Variants in LRRC4C observed in about 807,000 individuals in gnomAD.
The protein encoded by LRRC4C is leucine rich repeat containing 4C.
A neutral mutation model predicts 33.6 loss-of-function variants in LRRC4C; 5 were observed. The observed-to-expected ratio is 0.15, with a 90% CI of 0.08 to 0.31. The LOEUF (loss-of-function observed/expected upper bound fraction) is 0.31, where lower values mean the gene tolerates loss of function less well. Ranked by LOEUF, LRRC4C falls within the 10% of genes least tolerant of loss-of-function variation. The probability of loss-of-function intolerance (pLI) is 1.00; values close to 1 mark genes in which losing one functional copy is unlikely to be tolerated. For missense variants in LRRC4C, 560 were observed against 796.7 expected, an observed-to-expected ratio of 0.70 and a Z score of 3.58; for synonymous variants, 329 against 302.0, an observed-to-expected ratio of 1.09 and a Z score of -0.93.
intron 3 of LRRC4C, among the ~76,000 whole-genome samples, chr11:40,468,971 T>C (rs1180621978): frequency 3.3e-5 from 5 of 152,118 alleles, no homozygotes; most frequent in African/African-American, 7.2e-5. Context: ...ATCTGTAAAA[T>C]CTGTAAAAAT....
chr11:41,124,695 G>A (rs1487076), intron 1 of LRRC4C, among the ~76,000 whole-genome samples: 62,408 of 151,860 alleles, frequency 0.41, 13,830 homozygotes, highest in Middle Eastern at 0.53. Context: ...TCATTTCTAC[G>A]TTAAAAAAAT....
In LRRC4C at chr11:41,411,251, C is replaced by T. The variant is rs187883883; in HGVS notation, c.-496+48180G>A. 5.3e-3 allele frequency among the ~76,000 whole-genome samples: 787 copies of T among 148,640 alleles called. 11 individuals carry two copies. The highest frequency in any genetic ancestry group is 0.026 in the Admixed American group (389 of 14,860). On this transcript the variant is annotated intron_variant, in intron 1 of 6. Transcript: ENST00000528697. ...GCAAGCTCTGCCTCCCAGGTTCATG[C>T]CATTCTCCTGCCTCAGCCTCCCGAG...
chr11:40,851,857 G>A (rs1027753461), intron 2 of LRRC4C, among the ~76,000 whole-genome samples: 13 of 152,170 alleles, frequency 8.5e-5, no homozygotes, highest in South Asian at 4.1e-4. Flanking sequence ...GGACCCTGGC[G>A]ATCCCACGTT....
chr11:40,856,985 A>G (rs2135796168), intron 2 of LRRC4C, among the ~76,000 whole-genome samples: 1 of 152,320 alleles, frequency 6.6e-6, no homozygotes, highest in Non-Finnish European at 1.5e-5. Flanking sequence ...GAGAAGTCTA[A>G]CTAAACATTC....
chr11:40,755,690 GACA>G (rs1199448645), intron 2 of LRRC4C, among the ~76,000 whole-genome samples: 2 of 152,014 alleles, frequency 1.3e-5, no homozygotes, highest in Admixed American at 6.6e-5. Context: ...AAGAGCTCCT[GACA>G]ACAAGAAATC....
chr11:40,658,919 G>A (rs551965692), intron 2 of LRRC4C, among the ~76,000 whole-genome samples: 1 of 152,314 alleles, frequency 6.6e-6, no homozygotes, highest in East Asian at 1.9e-4. Context: ...GGGAGGAACT[G>A]CTGGGGCTGC....
intron 1 of LRRC4C, among the ~76,000 whole-genome samples, chr11:41,253,085 G>A (rs1948693711): frequency 6.6e-6 from 1 of 152,086 alleles, no homozygotes; most frequent in Non-Finnish European, 1.5e-5. Context: ...CTATTTCTTA[G>A]AATAACTTTA....
chr11:40,305,717 G>T (rs918130662), intron 4 of LRRC4C, among the ~76,000 whole-genome samples: 1 of 152,146 alleles, frequency 6.6e-6, no homozygotes, highest in African/African-American at 2.4e-5. Flanking sequence ...TTCAGTATTG[G>T]CTCCCTTATG....
At chr11:41,247,721 A>G (rs1948499612) in intron 1 of LRRC4C, among the ~76,000 whole-genome samples, 1 of 152,232 alleles carries the variant, frequency 6.6e-6, no homozygotes, top group Non-Finnish European at 1.5e-5. Flanking sequence ...ATTTTCCAGT[A>G]AATCAAAACT....
chr11:40,563,840 T>A (rs566669535), intron 3 of LRRC4C, among the ~76,000 whole-genome samples: 1 of 152,240 alleles, frequency 6.6e-6, no homozygotes, highest in African/African-American at 2.4e-5. Context: ...ACTTTCCCTA[T>A]TTGCTTCCCC....
At chr11:41,047,957 C>T (rs1446221115) in intron 1 of LRRC4C, among the ~76,000 whole-genome samples, 1 of 152,142 alleles carries the variant, frequency 6.6e-6, no homozygotes, top group African/African-American at 2.4e-5. Flanking sequence ...TTTTTCTCCC[C>T]TTTCTGATCT....
chr11:41,075,529 T>C (rs1420125730), intron 1 of LRRC4C, among the ~76,000 whole-genome samples: 1 of 152,100 alleles, frequency 6.6e-6, no homozygotes, highest in East Asian at 1.9e-4. Flanking sequence ...TGCTCCTTTT[T>C]ATTACACCAA....
chr11:40,522,471 G>A (rs1955861701), intron 3 of LRRC4C, among the ~76,000 whole-genome samples: 1 of 152,136 alleles, frequency 6.6e-6, no homozygotes, highest in South Asian at 2.1e-4. Flanking sequence ...AATCGTGGGG[G>A]CAGTTTCCCC....
At chr11:40,582,918 T>C (rs756878498) in intron 3 of LRRC4C, among the ~76,000 whole-genome samples, 1 of 152,162 alleles carries the variant, frequency 6.6e-6, no homozygotes, top group Non-Finnish European at 1.5e-5. Flanking sequence ...TCAATCAGGG[T>C]ATTTAGAATA....
Position 41,324,370 on chromosome 11 carries a change from C to A in LRRC4C, c.-496+135061G>T, listed in dbSNP as rs188525194. ...GCTTGAACCCGGGAGGCAGAAGTTGCGGTGAGCCAAGATCATGCCATTGCA... is the reference window on the plus strand; with the variant it reads ...GCTTGAACCCGGGAGGCAGAAGTTGAGGTGAGCCAAGATCATGCCATTGCA... On this transcript the variant is annotated intron_variant, in intron 1 of 6. Coordinates refer to ENST00000528697, the MANE Select transcript of LRRC4C (RefSeq NM_001258419.2). Among the ~76,000 whole-genome samples the A allele has an allele frequency of 3.0e-3, 460 of 152,174 alleles. 5 individuals are homozygous for A. Among genetic ancestry groups the A allele is most frequent in the South Asian group, 8.9e-3 (43 of 4,814 alleles).
intron 1 of LRRC4C, among the ~76,000 whole-genome samples, chr11:41,233,672 T>G (rs1299409227): frequency 2.0e-5 from 3 of 152,080 alleles, no homozygotes; most frequent in African/African-American, 4.8e-5. Flanking sequence ...CATTTTTATT[T>G]ATGCAAATAT....
At chr11:40,239,111 A>G (rs943351632) in intron 5 of LRRC4C, among the ~76,000 whole-genome samples, 2 of 152,160 alleles carry the variant, frequency 1.3e-5, no homozygotes, top group Non-Finnish European at 2.9e-5. Flanking sequence ...TGCTGTCTCT[A>G]TGTGCAAATA....
intron 3 of LRRC4C, among the ~76,000 whole-genome samples, chr11:40,560,148 G>A (rs778610638): frequency 2.6e-5 from 4 of 152,046 alleles, no homozygotes; most frequent in Non-Finnish European, 4.4e-5. Flanking sequence ...TATTCTCATC[G>A]TTTAGGTGTC....
chr11:40,797,363 A>G (rs1196330468), intron 2 of LRRC4C, among the ~76,000 whole-genome samples: 1 of 152,092 alleles, frequency 6.6e-6, no homozygotes, highest in African/African-American at 2.4e-5. Context: ...ATCCTATGGC[A>G]AATTAAGGCA....
Sources: allele counts gnomAD v4.1 joint callset (sites outside exome capture counted in the v4.1 genomes callset), GRCh38; gene constraint gnomAD v4.1.1; transcripts MANE v1.5; gene names NCBI Gene and HGNC (gene_info 2026-07-23, HGNC 2026-07-21).